Variants in SERHL2 observed in about 807,000 individuals in gnomAD.
The protein encoded by SERHL2 is serine hydrolase like 2.
SERHL2 carries 29 observed loss-of-function variants against 25.5 expected under a neutral mutation model. The ratio of observed to expected loss-of-function variants is 1.14; its 90% CI spans 0.85 to 1.55. SERHL2 has a LOEUF of 1.55. SERHL2 is among the 40% of genes most tolerant of loss of function. The pLI, the probability that SERHL2 is intolerant of heterozygous loss-of-function variation, is 0.00. For synonymous variants in SERHL2, 95 were observed against 103.5 expected, an observed-to-expected ratio of 0.92 and a Z score of 0.50; for missense variants, 240 against 252.3, an observed-to-expected ratio of 0.95 and a Z score of 0.33.
At chr22:42,573,840 A>G in intron 11 of SERHL2, 96 bp from the exon 12 acceptor site, 1 of 1,174,942 alleles carries the variant, frequency 8.5e-7, no homozygotes, top group South Asian at 1.4e-5. Flanking sequence ...ACCTGCAGGG[A>G]GCTGGAATGC....
At chr22:42,559,649 G>GCAGAGCTTGCAGTGAACC (rs1280619864) in intron 7 of SERHL2, among the ~76,000 whole-genome samples, 2 of 151,284 alleles carry the variant, frequency 1.3e-5, no homozygotes, top group Non-Finnish European at 3.0e-5. Flanking sequence ...AACCCGGGAG[G>GCAGAGCTTGCAGTGAACC]CAGAGCTTGC....
chr22:42,563,196 TTTTTTTTTTG>T (rs141378427), intron 8 of SERHL2, among the ~76,000 whole-genome samples: 25,536 of 122,096 alleles, frequency 0.21, 2,853 homozygotes, highest in African/African-American at 0.43. Context: ...TTTTCTTTTT[TTTTTTTTTTG>T]TTGTTGTTGT....
intron 10 of SERHL2, chr22:42,571,545 C>G: frequency 1.0e-6 from 1 of 955,862 alleles, no homozygotes; most frequent in Non-Finnish European, 1.3e-6. Flanking sequence ...CCTGCCTCAG[C>G]CTCCCGAGTA....
chr22:42,554,172 G>A (rs1307247604), intron 1 of SERHL2, 130 bp downstream of exon 1: 5 of 1,164,210 alleles, frequency 4.3e-6, no homozygotes, highest in East Asian at 2.7e-5. Context: ...TCCTTCCTCG[G>A]CAGTCCCGGG....
At chr22:42,559,968 T>C (rs137026) in intron 7 of SERHL2, among the ~76,000 whole-genome samples, 76,039 of 151,506 alleles carry the variant, frequency 0.5, 23,361 homozygotes, top group African/African-American at 0.85. Context: ...CATGCCACCA[T>C]GTCCAGCTAA....
chr22:42,566,569 C>A (rs137038), intron 9 of SERHL2, among the ~76,000 whole-genome samples: 64,319 of 149,490 alleles, frequency 0.43, 15,559 homozygotes, highest in East Asian at 0.77. Context: ...AAAAAAAAAA[C>A]AAAAGAAATT....
intron 5 of SERHL2, 87 bp downstream of exon 5, chr22:42,556,170 G>T (rs1169546723): frequency 1.6e-6 from 1 of 616,726 alleles, no homozygotes; most frequent in South Asian, 2.0e-5. Flanking sequence ...AAGGTACCTG[G>T]GACAGAAAGT....
chr22:42,573,750 G>C (rs1431336179), intron 11 of SERHL2, 186 bp from the exon 12 acceptor site: 1 of 691,396 alleles, frequency 1.4e-6, no homozygotes, highest in Non-Finnish European at 2.6e-6. Context: ...CCTAGGGTTA[G>C]ACACCTCCTG....
chr22:42,562,894 C>T (rs1431464221), intron 8 of SERHL2, among the ~76,000 whole-genome samples: 1 of 152,050 alleles, frequency 6.6e-6, no homozygotes. Flanking sequence ...GAGGGACAGT[C>T]TGTGTCAGTC....
At position 42,560,347 on chromosome 22, in the gene SERHL2, C is replaced by T. The variant is rs566963383; in HGVS notation, c.613+82C>T. The T allele has an allele frequency of 1.8e-5, 19 of 1,043,460 alleles. 1 individual carries two copies. Among genetic ancestry groups the T allele is most frequent in the East Asian group, 1.4e-4 (6 of 42,126 alleles). The allele number at this position is 1,043,460 out of a possible 1,614,324, so 64.6% of individuals were successfully genotyped here. A position where few individuals can be genotyped will look rare whatever the true frequency, so the allele number is the denominator to read the frequency against. Reference sequence around the variant, plus strand: ...TGTCAAGGACTTGCCTTAGACCAGGCAGGATACTAAGCGCTTTGCAAACAG... The same window carrying T: ...TGTCAAGGACTTGCCTTAGACCAGGTAGGATACTAAGCGCTTTGCAAACAG... On this transcript the variant is annotated intron_variant, in intron 8 of 11. Transcript: ENST00000327678.
intron 9 of SERHL2, 87 bp from the exon 10 acceptor site, chr22:42,571,034 C>T (rs1472274225): frequency 3.3e-5 from 53 of 1,596,196 alleles, no homozygotes; most frequent in Non-Finnish European, 4.2e-5. Flanking sequence ...CTCGCCAGGA[C>T]TTAGCCACCC....
intron 9 of SERHL2, 137 bp from the exon 10 acceptor site, chr22:42,570,984 G>A (rs1924092850): frequency 8.6e-7 from 1 of 1,169,130 alleles, no homozygotes; most frequent in Admixed American, 2.1e-5. Context: ...CAGTGATGTG[G>A]GGTCCTGGGC....
chr22:42,560,381 T>C, intron 8 of SERHL2, 116 bp downstream of exon 8: 3 of 736,928 alleles, frequency 4.1e-6, no homozygotes, highest in Non-Finnish European at 2.4e-6. Context: ...AGCATCTCAC[T>C]GAATCCCCCT....
chr22:42,554,136 C>G, intron 1 of SERHL2, 94 bp downstream of exon 1: 1 of 1,445,556 alleles, frequency 6.9e-7, no homozygotes, highest in Non-Finnish European at 9.5e-7. Context: ...GTTCGCCGAC[C>G]GCGTCGCCCT....
chr22:42,570,486 A>C lies in SERHL2; in HGVS notation c.649-635A>C, dbSNP rs549521260. Among the ~76,000 whole-genome samples, 31 of 152,318 alleles carry C rather than the reference A, an allele frequency of 2.0e-4. 1 individual carries two copies. The highest frequency in any genetic ancestry group is 7.0e-4 in the African/African-American group (29 of 41,592). On this transcript the variant is annotated intron_variant, in intron 9 of 11. Coordinates refer to ENST00000327678, the MANE Select transcript of SERHL2 (RefSeq NM_014509.5). The stretch of plus-strand genomic sequence containing the variant: ...CACAATGTGATTCAAGATGTAATCA[A>C]CATAAAGCTTGATTGCATTATTTTG...
intron 10 of SERHL2, chr22:42,571,637 G>A: frequency 4.3e-6 from 1 of 230,512 alleles, no homozygotes; most frequent in Non-Finnish European, 7.8e-6. Context: ...TGTTGGCCAG[G>A]CTGCTCTCCA....
intron 9 of SERHL2, among the ~76,000 whole-genome samples, chr22:42,568,172 C>T (rs1486608596): frequency 4.0e-5 from 6 of 149,266 alleles, no homozygotes; most frequent in Admixed American, 2.0e-4. Context: ...TACAGGTGTG[C>T]GCTACCACAC....
intron 11 of SERHL2, chr22:42,572,779 C>T (rs1417695935): frequency 2.1e-6 from 2 of 944,234 alleles, no homozygotes; most frequent in African/African-American, 3.5e-5. Flanking sequence ...ACTCTCGTGC[C>T]TCAGCCTCCT....
intron 9 of SERHL2, among the ~76,000 whole-genome samples, chr22:42,566,675 A>AG (rs1923437391): frequency 6.6e-6 from 1 of 152,018 alleles, no homozygotes; most frequent in African/African-American, 2.4e-5. Flanking sequence ...TGAGGAGAGG[A>AG]GGGAGACATC....
Sources: allele counts gnomAD v4.1 joint callset (sites outside exome capture counted in the v4.1 genomes callset), GRCh38; gene constraint gnomAD v4.1.1; transcripts MANE v1.5; gene names NCBI Gene and HGNC (gene_info 2026-07-23, HGNC 2026-07-21).